The following MIER1 variants were observed in gnomAD, a reference collection of about 807,000 sequenced individuals.
MIER1 encodes the protein MIER1 transcriptional regulator, also known as mesoderm induction early response protein 1.
In MIER1, 40 loss-of-function variants were observed where a neutral mutation model predicts 75.7. The observed-to-expected ratio is 0.53, with a 90% confidence interval of 0.41 to 0.69. The LOEUF is 0.69. Ranked by LOEUF, MIER1 falls within the 30% of genes least tolerant of loss-of-function variation. MIER1 has a pLI of 0.00. For synonymous variants in MIER1, 213 were observed against 223.4 expected (o/e 0.95, Z 0.42); for missense variants, 574 against 680.2 (o/e 0.84, Z 1.74).
intron 3 of MIER1, 178 bp downstream of exon 3, chr1:66,940,230 T>C: frequency 2.4e-6 from 1 of 415,392 alleles, no homozygotes; most frequent in Non-Finnish European, 4.3e-6. Context: ...CAGGTGAGGC[T>C]ACTGTGATTT....
At chr1:66,954,072 C>T (rs116650834) in intron 4 of MIER1, among the ~76,000 whole-genome samples, 102 of 152,308 alleles carry the variant, frequency 6.7e-4, no homozygotes, top group African/African-American at 2.4e-3. Context: ...GGACCTCCAT[C>T]TCTCCTAATC....
At chr1:66,972,229 A>ATT (rs1663773014) in intron 10 of MIER1, among the ~76,000 whole-genome samples, 1 of 119,312 alleles carries the variant, frequency 8.4e-6, no homozygotes, top group South Asian at 2.4e-4. Context: ...ATATATATAT[A>ATT]CACTACATAT....
At chr1:66,960,367 CAATT>C (rs1186605998) in intron 7 of MIER1, among the ~76,000 whole-genome samples, 1 of 152,020 alleles carries the variant, frequency 6.6e-6, no homozygotes, top group Non-Finnish European at 1.5e-5. Flanking sequence ...TAACTATATA[CAATT>C]AATTTCTGAA....
chr1:66,973,280 T>C (rs931188680), intron 11 of MIER1, among the ~76,000 whole-genome samples: 2 of 152,220 alleles, frequency 1.3e-5, no homozygotes, highest in Middle Eastern at 3.4e-3. Context: ...TGCAATTCTT[T>C]ATAGCTGTTT....
At chr1:66,975,107 G>A (rs1664434490) in intron 11 of MIER1, among the ~76,000 whole-genome samples, 1 of 152,118 alleles carries the variant, frequency 6.6e-6, no homozygotes, top group Non-Finnish European at 1.5e-5. Flanking sequence ...GGGTAAGGGA[G>A]GGTATCATCA....
In MIER1 at chr1:66,925,008, G is replaced by A. The variant is rs1175662704; in HGVS notation, c.-21G>A. 3 of 1,545,544 alleles carry A rather than the reference G, an allele frequency of 1.9e-6. No homozygotes were observed. In the African/African-American group the frequency reaches 4.1e-5, roughly 21 times the overall value. Reference sequence around the variant, plus strand: ...GGGCCTCAGGCCCCTCCCAGGCTCTGAGTCTCCCGGCTGCAGGCGGATGGA... The same window carrying A: ...GGGCCTCAGGCCCCTCCCAGGCTCTAAGTCTCCCGGCTGCAGGCGGATGGA... On this transcript the variant is annotated 5_prime_UTR_variant, in exon 1 of 14. Coordinates refer to ENST00000401041, the MANE Select transcript of MIER1 (RefSeq NM_001077700.3).
chr1:66,975,479 T>TAACC (rs1664512534), intron 11 of MIER1, among the ~76,000 whole-genome samples: 1 of 152,010 alleles, frequency 6.6e-6, no homozygotes, highest in South Asian at 2.1e-4. Context: ...GTTAGCGGTT[T>TAACC]GGTGCCACTG....
chr1:66,968,360 G>A (rs1196279722), intron 8 of MIER1, among the ~76,000 whole-genome samples: 1 of 152,110 alleles, frequency 6.6e-6, no homozygotes, highest in Non-Finnish European at 1.5e-5. Flanking sequence ...ACTTGTCAAA[G>A]GGACAGTGCT....
chr1:66,959,527 A>C, intron 6 of MIER1, 152 bp from the exon 7 acceptor site: 1 of 426,710 alleles, frequency 2.3e-6, no homozygotes, highest in Non-Finnish European at 4.3e-6. Context: ...TTTAAGTGAT[A>C]GGGTGTTAAT....
At chr1:66,972,755 C>G in intron 10 of MIER1, 142 bp from the exon 11 acceptor site, 1 of 536,308 alleles carries the variant, frequency 1.9e-6, no homozygotes, top group Non-Finnish European at 3.3e-6. Flanking sequence ...GTCACTTTAT[C>G]TTTTGCAACA....
chr1:66,969,959 C>CA (rs1482782344), intron 8 of MIER1, among the ~76,000 whole-genome samples: 1 of 152,202 alleles, frequency 6.6e-6, no homozygotes, highest in African/African-American at 2.4e-5. Flanking sequence ...TCATCCTCAT[C>CA]ACTCAACAGA....
chr1:66,971,522 A>G (rs1320092115), intron 9 of MIER1, 133 bp from the exon 10 acceptor site: 11 of 556,456 alleles, frequency 2.0e-5, no homozygotes, highest in Non-Finnish European at 2.6e-5. Flanking sequence ...GGAGTTCTCT[A>G]TATATAACAT....
At chr1:66,930,811 C>T (rs75699474) in intron 2 of MIER1, among the ~76,000 whole-genome samples, 1,995 of 152,268 alleles carry the variant, frequency 0.013, 19 homozygotes, top group Non-Finnish European at 0.021. Context: ...TCACCCCCAT[C>T]CATTTGCGAC....
intron 2 of MIER1, among the ~76,000 whole-genome samples, chr1:66,927,429 TAATA>T (rs973312577): frequency 1.3e-5 from 2 of 152,128 alleles, no homozygotes; most frequent in African/African-American, 2.4e-5. Context: ...GATATCACAT[TAATA>T]AATAACAAAG....
At chr1:66,935,216 T>C (rs1010290560) in intron 2 of MIER1, among the ~76,000 whole-genome samples, 1 of 152,214 alleles carries the variant, frequency 6.6e-6, no homozygotes, top group Non-Finnish European at 1.5e-5. Flanking sequence ...TTTCCCACCA[T>C]GTTCTAGAAA....
chr1:66,975,783 T>C (rs1475594275), intron 11 of MIER1, among the ~76,000 whole-genome samples: 1 of 152,206 alleles, frequency 6.6e-6, no homozygotes, highest in Non-Finnish European at 1.5e-5. Context: ...AGCATTATTA[T>C]GATACTTTTA....
At chr1:66,968,506 C>G (rs532662667) in intron 8 of MIER1, among the ~76,000 whole-genome samples, 7 of 152,066 alleles carry the variant, frequency 4.6e-5, no homozygotes, top group African/African-American at 1.7e-4. Context: ...ATGGATGGAT[C>G]AGAATTCTCC....
At chr1:66,926,282 C>G in intron 2 of MIER1, 40 bp downstream of exon 2, 1 of 1,403,468 alleles carries the variant, frequency 7.1e-7, no homozygotes, top group South Asian at 1.2e-5. Flanking sequence ...GAGGGAAAAT[C>G]CAAACTCCCT....
intron 4 of MIER1, among the ~76,000 whole-genome samples, chr1:66,957,384 ACTTGTGT>A (rs1660342858): frequency 1.3e-5 from 2 of 152,100 alleles, no homozygotes; most frequent in African/African-American, 2.4e-5. Context: ...ACTACTTGTA[ACTTGTGT>A]GATTTGTGAA....
Sources: gnomAD v4.1 joint callset for allele counts (sites outside exome capture counted in the v4.1 genomes callset) on GRCh38, gnomAD v4.1.1 for gene constraint, MANE v1.5 for transcripts, NCBI Gene and HGNC (gene_info 2026-07-23, HGNC 2026-07-21) for gene names.